Variants in SPICE1 observed in about 807,000 individuals in gnomAD.
SPICE1 encodes the protein spindle and centriole-associated protein 1.
SPICE1 carries 75 observed loss-of-function variants against 102.7 expected under a neutral mutation model. The observed-to-expected ratio is 0.73, with a 90% CI of 0.61 to 0.88. The LOEUF (loss-of-function observed/expected upper bound fraction) is 0.88. Among genes scored for constraint, SPICE1 ranks in the 40% least tolerant of loss-of-function variants. The pLI is 0.00. For synonymous variants in SPICE1, 308 were observed against 350.3 expected, an observed-to-expected ratio of 0.88 and a Z score of 1.35; for missense variants, 979 against 1,020.1, an observed-to-expected ratio of 0.96 and a Z score of 0.55.
chr3:113,453,651 C>T lies in SPICE1; in HGVS notation c.1957G>A (p.Gly653Arg). 1 of 1,614,136 alleles carries T rather than the reference C, an allele frequency of 6.2e-7. No homozygotes were observed. Among genetic ancestry groups the T allele is most frequent in the Non-Finnish European group, 8.5e-7 (1 of 1,180,030 alleles). The change falls in exon 14 of 18, where the codon GGG (glycine) becomes AGG (arginine). Residue 653 changes from glycine (G) to arginine (R), a missense_variant. By Grantham distance (125) the Gly-to-Arg change is moderately radical. Coordinates refer to ENST00000295872, the MANE Select transcript of SPICE1 (RefSeq NM_144718.4). The part of the protein sequence containing the change: ...FSEELPVLGD[G>R]QQLRTNESLI... ...GACTCATTTGTTCTCAGCTGCTGCCCATCTCCCAGTACTGGGAGCTCTTCT... is the reference window on the plus strand; with the variant it reads ...GACTCATTTGTTCTCAGCTGCTGCCTATCTCCCAGTACTGGGAGCTCTTCT...
intron 1 of SPICE1, 75 bp from the exon 2 acceptor site, chr3:113,506,680 C>T (rs1937119777): frequency 2.6e-6 from 3 of 1,145,824 alleles, no homozygotes; most frequent in Non-Finnish European, 3.7e-6. Flanking sequence ...GGGGAAGACA[C>T]CTGAAAAAAA....
At chr3:113,487,184 G>A (rs541176286) in intron 7 of SPICE1, among the ~76,000 whole-genome samples, 167 of 152,112 alleles carry the variant, frequency 1.1e-3, no homozygotes, top group East Asian at 1.4e-3. Context: ...TAGTATGGGC[G>A]CAGCAATTCC....
chr3:113,499,355 C>T, intron 4 of SPICE1, 84 bp downstream of exon 4: 1 of 1,418,672 alleles, frequency 7.0e-7, no homozygotes, highest in South Asian at 1.4e-5. Context: ...TAGAGTCTCT[C>T]CAACGTGAAT....
At chr3:113,503,126 C>A in intron 3 of SPICE1, 54 bp downstream of exon 3, 2 of 1,563,744 alleles carry the variant, frequency 1.3e-6, no homozygotes, top group Admixed American at 1.8e-5. Context: ...GGTTACAAGT[C>A]AAATACCAAA....
chr3:113,493,395 T>C, intron 5 of SPICE1, 83 bp from the exon 6 acceptor site: 1 of 1,064,760 alleles, frequency 9.4e-7, no homozygotes, highest in South Asian at 1.3e-5. Flanking sequence ...TTGGTTTGCA[T>C]CATCATATGA....
At chr3:113,509,855 T>G (rs1937184788) in intron 1 of SPICE1, among the ~76,000 whole-genome samples, 1 of 152,200 alleles carries the variant, frequency 6.6e-6, no homozygotes, top group South Asian at 2.1e-4. Flanking sequence ...TCATGAGATC[T>G]GATGGGTTTA....
At chr3:113,494,422 C>T (rs1325060945) in intron 4 of SPICE1, among the ~76,000 whole-genome samples, 3 of 151,922 alleles carry the variant, frequency 2.0e-5, no homozygotes, top group Non-Finnish European at 2.9e-5. Flanking sequence ...CCGAGGCGGG[C>T]GGATCACGAG....
chr3:113,493,224 C>A lies in SPICE1; in HGVS notation c.474G>T (p.Glu158Asp). The change falls in exon 6 of 18, where the codon GAG (glutamate) becomes GAT (aspartate). Residue 158 changes from glutamate (E) to aspartate (D), a missense_variant. Coordinates refer to ENST00000295872, the MANE Select transcript of SPICE1 (RefSeq NM_144718.4). ...ACATTACCTGAGGTTCTATGACAGA[C>A]TCATTAAAGATAGATTGGGTGATAG... ...QDPITQSIFN[E>D]SVIEPQALND... is the part of the protein sequence containing the mutation. 6.2e-7 allele frequency: 1 copy of A among 1,606,262 alleles called. No individual in the cohort carries two copies.
intron 7 of SPICE1, among the ~76,000 whole-genome samples, chr3:113,475,715 C>T (rs895888869): frequency 6.6e-6 from 1 of 152,128 alleles, no homozygotes; most frequent in African/African-American, 2.4e-5. Flanking sequence ...GCAGAAAAGG[C>T]CTTTGACAAA....
rs1038274004 is a variant in SPICE1, at chr3:113,514,802, C to T, written c.-1+95G>A. On this transcript the variant is annotated intron_variant, in intron 1 of 17. Coordinates refer to ENST00000295872, the MANE Select transcript of SPICE1 (RefSeq NM_144718.4). ...AATCGAGCACCCCCAATTACCAGCTCTGTGCAAAAGCTCCCGAAAGCGGTG... is the reference window on the plus strand; with the variant it reads ...AATCGAGCACCCCCAATTACCAGCTTTGTGCAAAAGCTCCCGAAAGCGGTG... 18 of 1,279,568 alleles carry T rather than the reference C, an allele frequency of 1.4e-5. No individual in the cohort carries two copies. The South Asian group carries it at 2.0e-4, about 14-fold the overall frequency. 79.3% of individuals were successfully genotyped at this position (1,279,568 alleles called of 1,614,324 possible).
chr3:113,443,026 T>G lies in SPICE1; in HGVS notation c.*2281A>C, dbSNP rs2107432716. 1 of 152,310 alleles carries G rather than the reference T, an allele frequency of 6.6e-6. No homozygotes were observed. The highest frequency in any genetic ancestry group is 2.1e-4 in the South Asian group (1 of 4,826). 9.4% of individuals were successfully genotyped at this position (152,310 alleles called of 1,614,324 possible). On this transcript the variant is annotated 3_prime_UTR_variant, in exon 18 of 18. Transcript: ENST00000295872. ...TTCAAGCACTGTGTGCAATTGTTAA[T>G]CTGAGAAAGATACAATAAATTCACT...
chr3:113,514,909 AAC>A lies in SPICE1; in HGVS notation c.-15_-14del, dbSNP rs552691622. The A allele has an allele frequency of 1.8e-4, 206 of 1,154,834 alleles. No homozygotes were observed. In the African/African-American group the frequency reaches 2.8e-3, roughly 16 times the overall value. The allele number at this position is 1,154,834 out of a possible 1,614,324, so 71.5% of individuals were successfully genotyped here. On this transcript the variant is annotated 5_prime_UTR_variant, in exon 1 of 18. Transcript: ENST00000295872. ...CCCTGACACGTACTTGCACTCTCAA[AAC>A]ACAGAGCCGCGGCTGCGCTTCCTGA...
chr3:113,489,178 T>A, intron 6 of SPICE1, 115 bp from the exon 7 acceptor site: 1 of 631,340 alleles, frequency 1.6e-6, no homozygotes, highest in Non-Finnish European at 2.8e-6. Context: ...CCTCCACATG[T>A]TGTAGAACAC....
chr3:113,468,494 T>C, intron 9 of SPICE1, 90 bp from the exon 10 acceptor site: 1 of 1,426,702 alleles, frequency 7.0e-7, no homozygotes. Context: ...TTGTTCACAA[T>C]TTATAAAAGG....
At chr3:113,489,408 T>C (rs543761655) in intron 6 of SPICE1, among the ~76,000 whole-genome samples, 27 of 152,188 alleles carry the variant, frequency 1.8e-4, no homozygotes, top group Admixed American at 5.9e-4. Context: ...TCACCACCTA[T>C]GCCCTGCAAC....
chr3:113,469,066 G>A (rs965876813), intron 8 of SPICE1, 33 bp downstream of exon 8: 1 of 1,597,872 alleles, frequency 6.3e-7, no homozygotes, highest in African/African-American at 1.4e-5. Context: ...TAATAAAGCA[G>A]GCACCTAGAA....
intron 7 of SPICE1, among the ~76,000 whole-genome samples, chr3:113,470,385 C>T (rs951075293): frequency 6.6e-6 from 1 of 152,138 alleles, no homozygotes; most frequent in Non-Finnish European, 1.5e-5. Context: ...CATGGATCCT[C>T]CAAATGATGT....
chr3:113,482,717 G>C (rs1026651715), intron 7 of SPICE1, among the ~76,000 whole-genome samples: 1 of 152,206 alleles, frequency 6.6e-6, no homozygotes, highest in Non-Finnish European at 1.5e-5. Flanking sequence ...GATGGTTGTA[G>C]ATGTGTGGTG....
Position 113,445,478 on chromosome 3 carries a change from G to C in SPICE1, c.2515-118C>G. The C allele has an allele frequency of 4.1e-6, 3 of 727,976 alleles. No homozygotes were observed. The South Asian group carries it at 5.7e-5, about 14-fold the overall frequency. 45.1% of individuals were successfully genotyped at this position (727,976 alleles called of 1,614,324 possible). ...CAAAGTCATCCTGTGCCATTGAATG[G>C]TACTGGAAATTAAATTGTTATTGGC... On this transcript the variant is annotated intron_variant, in intron 17 of 17. Coordinates refer to ENST00000295872, the MANE Select transcript of SPICE1 (RefSeq NM_144718.4).
Sources: allele counts gnomAD v4.1 joint callset (sites outside exome capture counted in the v4.1 genomes callset), GRCh38; gene constraint gnomAD v4.1.1; transcripts MANE v1.5; gene names NCBI Gene and HGNC (gene_info 2026-07-23, HGNC 2026-07-21).